Variants in AFF1 observed in about 807,000 individuals in gnomAD.
The protein encoded by AFF1 is ALF transcription elongation factor 1.
Under a neutral mutation model 121.7 loss-of-function variants are expected in AFF1, and 48 were observed. That is an observed-to-expected ratio of 0.39 (90% CI 0.31 to 0.50). The LOEUF (loss-of-function observed/expected upper bound fraction) is 0.50, where lower values mean the gene tolerates loss of function less well. Among genes scored for constraint, AFF1 ranks in the 20% least tolerant of loss-of-function variants. The pLI is 0.76. For synonymous variants in AFF1, 613 were observed against 563.0 expected, an observed-to-expected ratio of 1.09 and a Z score of -1.26; for missense variants, 1,523 against 1,511.7, an observed-to-expected ratio of 1.01 and a Z score of -0.12.
At chr4:87,104,731 C>G (rs951105947) in intron 8 of AFF1, among the ~76,000 whole-genome samples, 1 of 152,146 alleles carries the variant, frequency 6.6e-6, no homozygotes, top group Non-Finnish European at 1.5e-5. Context: ...GGATTTTAAC[C>G]TCAAATAATT....
intron 2 of AFF1, among the ~76,000 whole-genome samples, chr4:87,021,750 A>G (rs1417459975): frequency 6.6e-6 from 1 of 152,168 alleles, no homozygotes. Context: ...TATGCATTAA[A>G]TTTTTTCACA....
At chr4:87,048,630 G>A (rs770238248) in intron 4 of AFF1, among the ~76,000 whole-genome samples, 1 of 152,168 alleles carries the variant, frequency 6.6e-6, no homozygotes, top group African/African-American at 2.4e-5. Context: ...TCAGGTGGGG[G>A]CGTGATTCCT....
intron 4 of AFF1, among the ~76,000 whole-genome samples, chr4:87,072,060 G>C (rs192221904): frequency 1.2e-4 from 18 of 152,206 alleles, no homozygotes; most frequent in Admixed American, 9.8e-4. Flanking sequence ...TAATATGAAT[G>C]CTTAGAAGAT....
Position 87,134,575 on chromosome 4 carries a change from C to T in AFF1, c.3416C>T (p.Thr1139Ile). 1 of 1,614,122 alleles carries T rather than the reference C, an allele frequency of 6.2e-7. No homozygotes were observed. Among genetic ancestry groups the T allele is most frequent in the Non-Finnish European group, 8.5e-7 (1 of 1,179,996 alleles). ...GSVGSSGVAATISTPVTIQNM... is the reference protein window; with the variant it reads ...GSVGSSGVAAIISTPVTIQNM... The stretch of plus-strand genomic sequence containing the variant: ...GTGGGGAGCAGTGGGGTGGCTGCCA[C>T]TATCAGCACCCCAGTCACCATCCAG... The change falls in exon 20 of 21, where the codon ACT becomes ATT. Residue 1139 changes from threonine (T) to isoleucine (I), a missense_variant. This residue lies in a region of AFF1 where 241 missense variants were observed against 265.2 expected (regional missense o/e 0.91). Coordinates refer to ENST00000395146, the MANE Select transcript of AFF1 (RefSeq NM_001166693.3).
chr4:87,093,297 C>T (rs184151440), intron 7 of AFF1, among the ~76,000 whole-genome samples: 25 of 152,146 alleles, frequency 1.6e-4, no homozygotes, highest in Admixed American at 7.9e-4. Flanking sequence ...TCTGCTATTC[C>T]GGCAGCCTTA....
intron 2 of AFF1, among the ~76,000 whole-genome samples, chr4:86,984,287 T>C (rs943100120): frequency 1.3e-5 from 2 of 151,948 alleles, no homozygotes; most frequent in African/African-American, 2.4e-5. Context: ...GTGAGAACTG[T>C]ATTTCAAGTG....
At chr4:87,005,875 G>GT (rs1413284982) in intron 2 of AFF1, among the ~76,000 whole-genome samples, 1 of 152,194 alleles carries the variant, frequency 6.6e-6, no homozygotes, top group African/African-American at 2.4e-5. Context: ...CACTGCTTTG[G>GT]TTAGTGCGAA....
intron 2 of AFF1, among the ~76,000 whole-genome samples, chr4:87,045,556 T>C (rs1730602684): frequency 6.6e-6 from 1 of 152,162 alleles, no homozygotes; most frequent in Non-Finnish European, 1.5e-5. Context: ...AGAGCTGACA[T>C]CTATAATTGG....
chr4:87,012,997 T>C (rs1726933389), intron 2 of AFF1, among the ~76,000 whole-genome samples: 1 of 151,544 alleles, frequency 6.6e-6, no homozygotes, highest in Admixed American at 6.6e-5. Flanking sequence ...ATTGGCTTTG[T>C]TTTTAATTTA....
chr4:87,060,612 G>A (rs893687128), intron 4 of AFF1, among the ~76,000 whole-genome samples: 35 of 152,058 alleles, frequency 2.3e-4, no homozygotes, highest in Non-Finnish European at 3.5e-4. Flanking sequence ...GCTGAGGCGG[G>A]TGGATCACCT....
At chr4:87,083,234 A>G (rs982189363) in intron 4 of AFF1, among the ~76,000 whole-genome samples, 1 of 152,240 alleles carries the variant, frequency 6.6e-6, no homozygotes, top group African/African-American at 2.4e-5. Flanking sequence ...AGCAGCAGCA[A>G]TAATCATTAT....
intron 2 of AFF1, among the ~76,000 whole-genome samples, chr4:87,029,051 C>T (rs994203704): frequency 1.3e-5 from 2 of 152,096 alleles, no homozygotes; most frequent in Non-Finnish European, 2.9e-5. Context: ...AATGGTGGGT[C>T]TGTAAATAAC....
chr4:86,956,080 A>G (rs1721718890), intron 2 of AFF1, among the ~76,000 whole-genome samples: 1 of 152,238 alleles, frequency 6.6e-6, no homozygotes, highest in Admixed American at 6.5e-5. Flanking sequence ...TGGCCTGGGC[A>G]TTGTAAATAG....
intron 1 of AFF1, among the ~76,000 whole-genome samples, chr4:86,938,136 TAGAG>T (rs1379083108): frequency 1.3e-5 from 2 of 152,224 alleles, no homozygotes; most frequent in South Asian, 2.1e-4. Context: ...GAAAGTATGT[TAGAG>T]AGAGTGCAAA....
At chr4:86,982,328 A>G (rs551674891) in intron 2 of AFF1, among the ~76,000 whole-genome samples, 1 of 150,344 alleles carries the variant, frequency 6.7e-6, no homozygotes, top group East Asian at 2.0e-4. Context: ...AGATGTTCAC[A>G]TTGTGTCAGA....
intron 19 of AFF1, among the ~76,000 whole-genome samples, chr4:87,134,245 A>T (rs1729102727): frequency 6.6e-6 from 1 of 152,248 alleles, no homozygotes; most frequent in Admixed American, 6.5e-5. Context: ...TTCCAGGCAG[A>T]GGAAGTAGAC....
intron 2 of AFF1, among the ~76,000 whole-genome samples, chr4:86,991,180 C>T (rs376609244): frequency 1.3e-5 from 2 of 152,216 alleles, no homozygotes; most frequent in East Asian, 3.9e-4. Flanking sequence ...CGCAGTGGCT[C>T]ACGCCTGTAA....
intron 7 of AFF1, among the ~76,000 whole-genome samples, chr4:87,092,417 A>G (rs1724409923): frequency 6.6e-6 from 1 of 152,252 alleles, no homozygotes; most frequent in African/African-American, 2.4e-5. Flanking sequence ...TAGGAATTGT[A>G]TACAACAGTA....
intron 2 of AFF1, among the ~76,000 whole-genome samples, chr4:87,012,865 C>T (rs928428701): frequency 2.0e-5 from 3 of 152,122 alleles, no homozygotes; most frequent in Non-Finnish European, 4.4e-5. Flanking sequence ...CCTGTGCAAA[C>T]TTTTTCCTTT....
Sources: gnomAD v4.1 joint callset for allele counts (sites outside exome capture counted in the v4.1 genomes callset) on GRCh38, gnomAD v4.1.1 for gene constraint, gnomAD v4.1.1 regional missense constraint, MANE v1.5 for transcripts, NCBI Gene and HGNC (gene_info 2026-07-23, HGNC 2026-07-21) for gene names.